The following R3HDM2 variants were observed in gnomAD, a reference collection of about 807,000 sequenced individuals.
The protein encoded by R3HDM2 is R3H domain-containing protein 2.
A neutral mutation model predicts 124.5 loss-of-function variants in R3HDM2; 38 were observed. That is an observed-to-expected ratio of 0.31 (90% CI 0.24 to 0.40). The LOEUF (loss-of-function observed/expected upper bound fraction) is 0.40. Ranked by LOEUF, R3HDM2 falls within the 10% of genes least tolerant of loss-of-function variation. The probability of loss-of-function intolerance (pLI) is 1.00; values close to 1 mark genes in which losing one functional copy is unlikely to be tolerated. For synonymous variants in R3HDM2, 391 were observed against 448.0 expected (o/e 0.87, Z 1.61); for missense variants, 869 against 1,236.9 (o/e 0.70, Z 4.46).
chr12:57,397,987 G>T (rs1045248154), intron 1 of R3HDM2, among the ~76,000 whole-genome samples: 14 of 152,196 alleles, frequency 9.2e-5, no homozygotes, highest in Admixed American at 2.0e-4. Context: ...TTCGAGACCA[G>T]CCTGGCCAAC....
rs1211926911 is a variant in R3HDM2 at position 57,254,796 on chromosome 12, G to A, written c.2950C>T (p.Leu984=). The A allele has an allele frequency of 6.3e-7, 1 of 1,585,170 alleles. No individual in the cohort carries two copies. The highest frequency in any genetic ancestry group is 2.2e-5 in the East Asian group (1 of 44,698). ...ATTTATTGGGAGCTGGCTCGCTCCA[G>A]GATCCTCAGGTCATAGTTCTTTTTG... ...MAKKNYDLRI[L]ERASSQ The change falls in exon 24 of 24, where the codon CTG becomes TTG. Residue 984 remains leucine, a synonymous_variant. Transcript: ENST00000402412.
At chr12:57,416,664 C>T (rs769189786) in intron 1 of R3HDM2, among the ~76,000 whole-genome samples, 9 of 151,774 alleles carry the variant, frequency 5.9e-5, no homozygotes, top group East Asian at 1.9e-4. Flanking sequence ...AAAAATTAGC[C>T]GGCAGTGGTG....
intron 1 of R3HDM2, among the ~76,000 whole-genome samples, chr12:57,410,318 T>TAAAAAAAA (rs56412130): frequency 1.0e-5 from 1 of 100,142 alleles, no homozygotes; most frequent in African/African-American, 3.8e-5. Context: ...AGTATAACCT[T>TAAAAAAAA]AAAAAAAAAA....
At chr12:57,357,078 G>C (rs774844447) in intron 2 of R3HDM2, among the ~76,000 whole-genome samples, 1 of 151,676 alleles carries the variant, frequency 6.6e-6, no homozygotes, top group Non-Finnish European at 1.5e-5. Context: ...ACTCCAGCCT[G>C]GGCGACACAG....
rs1040289142 is a variant in R3HDM2 at position 57,268,971 on chromosome 12, C to T, written c.1826G>A (p.Gly609Asp). Residue 609 changes from glycine to aspartate, a missense_variant, in exon 17 of 24, where the codon GGC (glycine) becomes GAC (aspartate). Around this residue, in one of 2 missense-constraint regions of R3HDM2, gnomAD observed 602 missense variants for 789.2 expected, o/e 0.76. Transcript: ENST00000402412. ...CTGAACCACCAGGCCTTGCATCTGG[C>T]CCCCCATGCTGCTCCTCTGGCTGCT... ...LLSSQRSSMGGQMQGLVVQYT... is the reference protein window; with the variant it reads ...LLSSQRSSMGDQMQGLVVQYT... 7 of 1,614,052 alleles carry T rather than the reference C, an allele frequency of 4.3e-6. No homozygotes were observed. The highest frequency in any genetic ancestry group is 1.7e-5 in the Admixed American group (1 of 60,002).
intron 19 of R3HDM2, among the ~76,000 whole-genome samples, chr12:57,264,393 T>TAA (rs55891769): frequency 0.01 from 1,072 of 102,522 alleles, 21 homozygotes; most frequent in African/African-American, 0.037. Context: ...CTGCCTCTAC[T>TAA]AAAAAAAAAA....
chr12:57,262,208 G>C (rs1036753342), intron 19 of R3HDM2, among the ~76,000 whole-genome samples: 1 of 152,034 alleles, frequency 6.6e-6, no homozygotes, highest in Non-Finnish European at 1.5e-5. Context: ...TGGGGGAGTA[G>C]GATATCTTCA....
At chr12:57,281,678 G>A (rs1485785059) in intron 13 of R3HDM2, among the ~76,000 whole-genome samples, 1 of 151,964 alleles carries the variant, frequency 6.6e-6, no homozygotes, top group Non-Finnish European at 1.5e-5. Context: ...TAGAGATGGG[G>A]TTTTGCCTTG....
At chr12:57,347,605 A>T (rs2060210528) in intron 2 of R3HDM2, among the ~76,000 whole-genome samples, 1 of 152,230 alleles carries the variant, frequency 6.6e-6, no homozygotes, top group Non-Finnish European at 1.5e-5. Context: ...GTTAAAAGAC[A>T]GAGATTGTCC....
chr12:57,420,417 T>G (rs1333130474), intron 1 of R3HDM2, among the ~76,000 whole-genome samples: 3 of 152,124 alleles, frequency 2.0e-5, no homozygotes, highest in Admixed American at 2.0e-4. Flanking sequence ...TGAGTTATTT[T>G]CTGTCCTTAT....
At chr12:57,308,392 C>A (rs2053200173) in intron 3 of R3HDM2, among the ~76,000 whole-genome samples, 1 of 151,016 alleles carries the variant, frequency 6.6e-6, no homozygotes, top group South Asian at 2.1e-4. Context: ...GTCCATAAAG[C>A]ATATAAAACC....
Position 57,258,918 on chromosome 12 carries a change from T to C in R3HDM2, c.2273A>G (p.Asp758Gly), listed in dbSNP as rs1313972882. 6.2e-7 allele frequency: 1 copy of C among 1,609,992 alleles called. No individual in the cohort carries two copies. Among genetic ancestry groups the C allele is most frequent in the Non-Finnish European group, 8.5e-7 (1 of 1,178,908 alleles). The stretch of plus-strand genomic sequence containing the variant: ...GGGGCTGCTGTCAGGACTGTACAGG[T>C]CTCCAGGCTTCTGCCCCCGCTGGTC... ...SMDQRGQKPG[D>G]LYSPDSSPQA... Residue 758 changes from aspartate (D) to glycine (G), a missense_variant, in exon 20 of 24, where the codon GAC becomes GGC. Physicochemically the swap from Asp to Gly is moderately conservative, Grantham distance 94. This residue lies in a region of R3HDM2 where 602 missense variants were observed against 789.2 expected (regional missense o/e 0.76). Transcript: ENST00000402412.
At position 57,311,004 on chromosome 12, in the gene R3HDM2, C is replaced by T. The variant is rs1299398907; in HGVS notation, c.-35-541G>A. 3.9e-5 allele frequency among the ~76,000 whole-genome samples: 6 copies of T among 152,074 alleles called. No individual in the cohort carries two copies. In the South Asian group the frequency reaches 1.2e-3, roughly 31 times the overall value. ...CCCTTGTTCCCTACAGAAATTTGCG[C>T]ACATTTCTGGCTCAATCACTTCACC... On this transcript the variant is annotated intron_variant, in intron 2 of 23. Transcript: ENST00000402412.
chr12:57,403,846 C>A (rs1333652268), intron 1 of R3HDM2, among the ~76,000 whole-genome samples: 10 of 151,602 alleles, frequency 6.6e-5, no homozygotes, highest in African/African-American at 2.4e-4. Context: ...ATGGAAACTC[C>A]ATTTCATACT....
At chr12:57,349,901 G>GT (rs1428573127) in intron 2 of R3HDM2, among the ~76,000 whole-genome samples, 1 of 150,586 alleles carries the variant, frequency 6.6e-6, no homozygotes, top group Non-Finnish European at 1.5e-5. Context: ...TGCTGTTCCT[G>GT]TAAGTTTGTT....
chr12:57,318,952 C>G (rs116121912), intron 2 of R3HDM2, among the ~76,000 whole-genome samples: 1,823 of 152,240 alleles, frequency 0.012, 30 homozygotes, highest in African/African-American at 0.042. Flanking sequence ...TTGTTACTTG[C>G]TTTCTTAAAC....
chr12:57,305,519 T>C, intron 3 of R3HDM2: 1 of 395,112 alleles, frequency 2.5e-6, no homozygotes, highest in Non-Finnish European at 4.5e-6. Flanking sequence ...CAACAATATA[T>C]GAATGAATCT....
chr12:57,385,595 G>C (rs1000292282), intron 2 of R3HDM2, among the ~76,000 whole-genome samples: 43 of 151,838 alleles, frequency 2.8e-4, no homozygotes, highest in African/African-American at 1.0e-3. Context: ...GTCCCAGCTA[G>C]TCGGGAGGCT....
intron 3 of R3HDM2, chr12:57,305,709 G>A: frequency 2.5e-6 from 1 of 398,854 alleles, no homozygotes; most frequent in East Asian, 3.6e-5. Flanking sequence ...TACATTAAGT[G>A]TACTAGAGAG....
Sources: gnomAD v4.1 joint callset for allele counts (sites outside exome capture counted in the v4.1 genomes callset) on GRCh38, gnomAD v4.1.1 for gene constraint, gnomAD v4.1.1 regional missense constraint, MANE v1.5 for transcripts, NCBI Gene and HGNC (gene_info 2026-07-23, HGNC 2026-07-21) for gene names.